The following ARID4B variants were observed in gnomAD, a reference collection of about 807,000 sequenced individuals.
ARID4B encodes AT-rich interaction domain 4B.
Under a neutral mutation model 147.5 loss-of-function variants are expected in ARID4B, and 26 were observed. That is an observed-to-expected ratio of 0.18 (90% CI 0.13 to 0.24). The LOEUF (loss-of-function observed/expected upper bound fraction) is 0.24, where lower values mean the gene tolerates loss of function less well. ARID4B is among the 10% of genes least tolerant of loss of function. ARID4B has a pLI of 1.00. For missense variants in ARID4B, 1,179 were observed against 1,511.5 expected (o/e 0.78, Z 3.65); for synonymous variants, 512 against 507.9 (o/e 1.01, Z -0.11).
chr1:235,249,588 G>A (rs1572075585), intron 6 of ARID4B, among the ~76,000 whole-genome samples: 1 of 152,012 alleles, frequency 6.6e-6, no homozygotes, highest in South Asian at 2.1e-4. Context: ...GAGGTCAGGA[G>A]ATCGAGACCA....
At chr1:235,223,003 A>C (rs1050707464) in intron 13 of ARID4B, among the ~76,000 whole-genome samples, 163 bp downstream of exon 13, 6 of 152,024 alleles carry the variant, frequency 3.9e-5, no homozygotes, top group Non-Finnish European at 8.8e-5. Context: ...TTAAAATTTA[A>C]ATTTTGTCTG....
chr1:235,231,912 G>C (rs1668263824), intron 9 of ARID4B, among the ~76,000 whole-genome samples: 3 of 152,166 alleles, frequency 2.0e-5, no homozygotes, highest in Non-Finnish European at 4.4e-5. Flanking sequence ...TTCAAGACCA[G>C]GATAGGTAAT....
chr1:235,206,092 C>T (rs1666291676), intron 17 of ARID4B, among the ~76,000 whole-genome samples: 1 of 152,198 alleles, frequency 6.6e-6, no homozygotes, highest in Admixed American at 6.5e-5. Context: ...ATTTTACCTT[C>T]TGCTCTACTT....
At chr1:235,288,541 C>T (rs1171064310) in intron 2 of ARID4B, among the ~76,000 whole-genome samples, 1 of 152,186 alleles carries the variant, frequency 6.6e-6, no homozygotes, top group African/African-American at 2.4e-5. Flanking sequence ...GATCTTTCTA[C>T]ATCAGTAAAC....
intron 2 of ARID4B, among the ~76,000 whole-genome samples, chr1:235,290,401 C>T (rs1339464406): frequency 2.7e-5 from 4 of 150,772 alleles, no homozygotes; most frequent in African/African-American, 7.3e-5. Context: ...CAAGATGACG[C>T]CAACCTGGAC....
chr1:235,295,389 A>G (rs1332762966), intron 2 of ARID4B, among the ~76,000 whole-genome samples: 1 of 152,074 alleles, frequency 6.6e-6, no homozygotes, highest in East Asian at 1.9e-4. Flanking sequence ...ACGTGCCTGT[A>G]ATCCCAGCTA....
chr1:235,287,511 G>GA (rs1318398636), intron 2 of ARID4B, among the ~76,000 whole-genome samples: 3 of 152,142 alleles, frequency 2.0e-5, no homozygotes, highest in Non-Finnish European at 4.4e-5. Flanking sequence ...TGGTATATGA[G>GA]AAAGAATCTA....
chr1:235,270,388 A>G (rs1450225665), intron 2 of ARID4B, among the ~76,000 whole-genome samples: 1 of 152,230 alleles, frequency 6.6e-6, no homozygotes, highest in East Asian at 1.9e-4. Context: ...ACAATTTTTT[A>G]AAGTTTATTT....
chr1:235,193,994 G>T lies in ARID4B; in HGVS notation c.2125+19C>A. ...ATTAAAATCAAATACTTGCACAACA[G>T]AACGATTGTTATGTTTACCTTGAAG... On this transcript the variant is annotated intron_variant, in intron 19 of 23. Transcript: ENST00000264183. 6.6e-7 allele frequency: 1 copy of T among 1,520,976 alleles called. No homozygotes were observed. Among genetic ancestry groups the T allele is most frequent in the Non-Finnish European group, 9.0e-7 (1 of 1,105,602 alleles). 94.2% of individuals were successfully genotyped at this position (1,520,976 alleles called of 1,614,324 possible). A position where few individuals can be genotyped will look rare whatever the true frequency, so the allele number is the denominator to read the frequency against.
intron 23 of ARID4B, among the ~76,000 whole-genome samples, chr1:235,172,032 C>T (rs1181470563): frequency 2.0e-5 from 3 of 152,168 alleles, no homozygotes; most frequent in African/African-American, 7.2e-5. Context: ...GTAACCCATC[C>T]AATCACTACC....
intron 11 of ARID4B, chr1:235,228,448 G>C (rs1667983063): frequency 6.6e-6 from 1 of 150,926 alleles, no homozygotes; most frequent in South Asian, 2.1e-4. Flanking sequence ...GAGTGCACTG[G>C]GGCTGGAGTG....
At chr1:235,251,426 C>T (rs1434928156) in intron 6 of ARID4B, among the ~76,000 whole-genome samples, 3 of 151,866 alleles carry the variant, frequency 2.0e-5, no homozygotes, top group African/African-American at 4.8e-5. Context: ...GGCAGAAGTA[C>T]AGGGAAGTGG....
At chr1:235,300,832 C>A (rs1416717660) in intron 2 of ARID4B, among the ~76,000 whole-genome samples, 1 of 151,970 alleles carries the variant, frequency 6.6e-6, no homozygotes, top group East Asian at 1.9e-4. Flanking sequence ...GCCTCAGCCT[C>A]CCGAGTAGCT....
intron 22 of ARID4B, among the ~76,000 whole-genome samples, chr1:235,173,775 T>C (rs1458665418): frequency 2.3e-4 from 5 of 22,192 alleles, no homozygotes; most frequent in African/African-American, 2.2e-4. Flanking sequence ...AAAAAAAATA[T>C]ATATATATAT....
At chr1:235,213,194 A>T (rs1002325754) in intron 17 of ARID4B, among the ~76,000 whole-genome samples, 1 of 152,190 alleles carries the variant, frequency 6.6e-6, no homozygotes, top group African/African-American at 2.4e-5. Context: ...GGTTAGGAGC[A>T]GTCAAAAAGT....
chr1:235,280,953 GAAAAA>G (rs201811610), intron 2 of ARID4B, among the ~76,000 whole-genome samples: 1 of 142,996 alleles, frequency 7.0e-6, no homozygotes, highest in Non-Finnish European at 1.5e-5. Flanking sequence ...GTATAAAAAC[GAAAAA>G]AAAAGAGTCC....
intron 14 of ARID4B, 146 bp downstream of exon 14, chr1:235,221,419 T>G (rs978196298): frequency 1.9e-6 from 1 of 522,822 alleles, no homozygotes; most frequent in Non-Finnish European, 3.4e-6. Flanking sequence ...TAGAATACAC[T>G]TTAGAAAATA....
intron 21 of ARID4B, among the ~76,000 whole-genome samples, chr1:235,176,437 CA>C (rs34808765): frequency 7.4e-3 from 167 of 22,512 alleles, no homozygotes; most frequent in African/African-American, 8.3e-3. Context: ...ACAACATCAC[CA>C]AAAAAAAAAA....
At chr1:235,183,048 C>T (rs1355530429) in intron 19 of ARID4B, among the ~76,000 whole-genome samples, 3 of 151,678 alleles carry the variant, frequency 2.0e-5, no homozygotes, top group Non-Finnish European at 2.9e-5. Context: ...ACATTTTAAA[C>T]ATAAAAGTCA....
Sources: allele counts gnomAD v4.1 joint callset (sites outside exome capture counted in the v4.1 genomes callset), GRCh38; gene constraint gnomAD v4.1.1; transcripts MANE v1.5; gene names NCBI Gene and HGNC (gene_info 2026-07-23, HGNC 2026-07-21).